The following SEPTIN14 variants were observed in gnomAD, a reference collection of about 807,000 sequenced individuals.
SEPTIN14 encodes the protein septin-14.
In SEPTIN14, 40 loss-of-function variants were observed where a neutral mutation model predicts 53.6. The ratio of observed to expected loss-of-function variants is 0.75; its 90% CI spans 0.58 to 0.97. The LOEUF is 0.97. Ranked by LOEUF, SEPTIN14 falls within the 50% of genes least tolerant of loss-of-function variation. The probability of loss-of-function intolerance (pLI) is 0.00; values close to 1 mark genes in which losing one functional copy is unlikely to be tolerated. For synonymous variants in SEPTIN14, 138 were observed against 166.8 expected (o/e 0.83, Z 1.33); for missense variants, 471 against 508.2 (o/e 0.93, Z 0.70).
At chr7:55,839,977 T>C (rs1207674061) in intron 5 of SEPTIN14, among the ~76,000 whole-genome samples, 1 of 145,644 alleles carries the variant, frequency 6.9e-6, no homozygotes, top group Non-Finnish European at 1.5e-5. Flanking sequence ...AAACCTTGTC[T>C]CTACTAAAAA....
chr7:55,805,125 A>G, intron 9 of SEPTIN14, 133 bp downstream of exon 9: 1 of 719,686 alleles, frequency 1.4e-6, no homozygotes, highest in Non-Finnish European at 2.3e-6. Flanking sequence ...TCAAGTCTAC[A>G]TGGTAAAAAG....
At position 55,843,137 on chromosome 7, in the gene SEPTIN14, A is replaced by G. The variant is rs1265409546; in HGVS notation, c.372-9T>C. 1 of 1,537,280 alleles carries G rather than the reference A, an allele frequency of 6.5e-7. No homozygotes were observed. The highest frequency in any genetic ancestry group is 8.7e-7 in the Non-Finnish European group (1 of 1,143,526). ...CAACTATTGGTTGGTAGCTAAAAAA[A>G]AATTTATACATTTAGCATAACAGAC... is the stretch of plus-strand genomic sequence containing the variant. On this transcript the variant is annotated splice_polypyrimidine_tract_variant and intron_variant, in intron 4 of 9. Coordinates refer to ENST00000388975, the MANE Select transcript of SEPTIN14 (RefSeq NM_207366.3).
At chr7:55,831,973 G>A (rs187314126) in intron 6 of SEPTIN14, among the ~76,000 whole-genome samples, 160 of 152,198 alleles carry the variant, frequency 1.1e-3, no homozygotes, top group African/African-American at 3.4e-3. Context: ...AGGCCAAGGC[G>A]GGTGGATCAC....
intron 6 of SEPTIN14, among the ~76,000 whole-genome samples, chr7:55,819,970 T>C (rs2115996051): frequency 6.6e-6 from 1 of 152,026 alleles, no homozygotes; most frequent in African/African-American, 2.4e-5. Flanking sequence ...ATAAAATACT[T>C]TAATAAGCAA....
intron 5 of SEPTIN14, among the ~76,000 whole-genome samples, chr7:55,836,621 C>T (rs1789213373): frequency 6.6e-6 from 1 of 152,014 alleles, no homozygotes; most frequent in African/African-American, 2.4e-5. Flanking sequence ...GCCTGTAATC[C>T]CAGCTACTCA....
chr7:55,847,229 A>C (rs575695334), intron 2 of SEPTIN14, among the ~76,000 whole-genome samples: 45 of 152,262 alleles, frequency 3.0e-4, no homozygotes, highest in African/African-American at 1.0e-3. Context: ...TAATTAATTA[A>C]ATAGGGAATT....
At chr7:55,837,676 G>C (rs574728990) in intron 5 of SEPTIN14, among the ~76,000 whole-genome samples, 64 of 151,684 alleles carry the variant, frequency 4.2e-4, no homozygotes, top group Non-Finnish European at 7.2e-4. Context: ...CTCTGCCTGC[G>C]GGTTCAAGCA....
At chr7:55,826,033 C>T (rs11979568) in intron 6 of SEPTIN14, among the ~76,000 whole-genome samples, 9,756 of 150,978 alleles carry the variant, frequency 0.065, 701 homozygotes, top group African/African-American at 0.18. Flanking sequence ...ACCCGGGAGG[C>T]GGAGCTTGCA....
At position 55,844,696 on chromosome 7, in the gene SEPTIN14, C is replaced by T. The variant is rs758771918; in HGVS notation, c.198G>A (p.Ser66=). ...LCVGETGIGK[S]TLIDTLFNTN... ...TATTAAACAATGTGTCTATCAGTGT[C>T]GATTTTCCAATTCCAGTCTCCCCTG... The change falls in exon 4 of 10, where the codon TCG becomes TCA. Residue 66 remains serine (S), a synonymous_variant. Coordinates refer to ENST00000388975, the MANE Select transcript of SEPTIN14 (RefSeq NM_207366.3). 6 of 1,593,892 alleles carry T rather than the reference C, an allele frequency of 3.8e-6. No homozygotes were observed. In the African/African-American group the frequency reaches 5.4e-5, roughly 14 times the overall value.
intron 2 of SEPTIN14, among the ~76,000 whole-genome samples, chr7:55,852,098 C>A (rs1412250765): frequency 3.4e-5 from 5 of 149,020 alleles, no homozygotes; most frequent in Non-Finnish European, 7.4e-5. Context: ...GCCGAGATTG[C>A]GCCACTGCAC....
rs150877377 is a variant in SEPTIN14, at chr7:55,825,023, G to A, written c.721-5800C>T. 2.8e-3 allele frequency among the ~76,000 whole-genome samples: 433 copies of A among 152,188 alleles called. 5 individuals are homozygous for A. Among genetic ancestry groups the A allele is most frequent in the Middle Eastern group, 0.01 (3 of 294 alleles). ...TTATCCAAATAAGTTGAAAACTTGC[G>A]TCCATACAAAAGCCTGCACACAAAT... On this transcript the variant is annotated intron_variant, in intron 6 of 9. Coordinates refer to ENST00000388975, the MANE Select transcript of SEPTIN14 (RefSeq NM_207366.3).
intron 6 of SEPTIN14, among the ~76,000 whole-genome samples, chr7:55,830,719 A>G (rs1356435992): frequency 6.6e-6 from 1 of 152,116 alleles, no homozygotes; most frequent in Non-Finnish European, 1.5e-5. Flanking sequence ...CTTTAAAAAA[A>G]AAGAAAATGG....
At chr7:55,802,349 C>A (rs996531855) in intron 9 of SEPTIN14, among the ~76,000 whole-genome samples, 2 of 152,074 alleles carry the variant, frequency 1.3e-5, no homozygotes, top group Non-Finnish European at 2.9e-5. Flanking sequence ...CATTATTACT[C>A]TGATACTACA....
chr7:55,828,450 A>G (rs1248293083), intron 6 of SEPTIN14, among the ~76,000 whole-genome samples: 3 of 152,056 alleles, frequency 2.0e-5, no homozygotes, highest in East Asian at 3.9e-4. Flanking sequence ...GACTACAGGC[A>G]CCCACTACCA....
intron 6 of SEPTIN14, among the ~76,000 whole-genome samples, chr7:55,830,212 T>A (rs1789076717): frequency 6.7e-6 from 1 of 149,992 alleles, no homozygotes; most frequent in South Asian, 2.1e-4. Flanking sequence ...TTTTTTTCTT[T>A]ACTCCAACTC....
chr7:55,830,579 A>G (rs965310477), intron 6 of SEPTIN14, among the ~76,000 whole-genome samples: 4 of 151,244 alleles, frequency 2.6e-5, no homozygotes, highest in African/African-American at 9.7e-5. Context: ...TCCTGACCTC[A>G]TGATCCGCCC....
chr7:55,830,793 G>A (rs1327692174), intron 6 of SEPTIN14, among the ~76,000 whole-genome samples: 2 of 151,598 alleles, frequency 1.3e-5, no homozygotes, highest in African/African-American at 4.8e-5. Context: ...ATCCTAAATA[G>A]ACCAATAACA....
At chr7:55,856,715 A>G (rs1270841596) in intron 2 of SEPTIN14, among the ~76,000 whole-genome samples, 1 of 151,988 alleles carries the variant, frequency 6.6e-6, no homozygotes, top group Non-Finnish European at 1.5e-5. Flanking sequence ...TTTTAATCCA[A>G]TCTGCCACTG....
chr7:55,848,245 T>C (rs1205364133), intron 2 of SEPTIN14, among the ~76,000 whole-genome samples: 1 of 152,118 alleles, frequency 6.6e-6, no homozygotes, highest in Non-Finnish European at 1.5e-5. Flanking sequence ...CACTGCAACC[T>C]CCATCACCCG....
Sources: allele counts gnomAD v4.1 joint callset (sites outside exome capture counted in the v4.1 genomes callset), GRCh38; gene constraint gnomAD v4.1.1; transcripts MANE v1.5; gene names NCBI Gene and HGNC (gene_info 2026-07-23, HGNC 2026-07-21).